HMCN1: variants seen among roughly 807,000 people sequenced by gnomAD.
HMCN1 encodes hemicentin 1.
A neutral mutation model predicts 625.9 loss-of-function variants in HMCN1; 321 were observed. The observed-to-expected ratio is 0.51, with a 90% confidence interval of 0.47 to 0.56. The LOEUF (loss-of-function observed/expected upper bound fraction) is 0.56. HMCN1 is among the 20% of genes least tolerant of loss of function. The pLI is 0.00. For synonymous variants in HMCN1, 2,425 were observed against 2,417.6 expected, an observed-to-expected ratio of 1.00 and a Z score of -0.09; for missense variants, 6,588 against 6,887.3, an observed-to-expected ratio of 0.96 and a Z score of 1.54.
chr1:185,880,465 A>G (rs1664234403), intron 4 of HMCN1, among the ~76,000 whole-genome samples: 1 of 152,162 alleles, frequency 6.6e-6, no homozygotes, highest in Non-Finnish European at 1.5e-5. Flanking sequence ...GATACTTTGA[A>G]TGGGCTCTTC....
intron 1 of HMCN1, among the ~76,000 whole-genome samples, chr1:185,762,796 A>G (rs569224992): frequency 1.1e-4 from 17 of 152,302 alleles, no homozygotes; most frequent in African/African-American, 3.8e-4. Flanking sequence ...GAAGAGATTT[A>G]GATGTTGGTT....
At chr1:186,001,508 C>A in intron 27 of HMCN1, 80 bp downstream of exon 27, 2 of 1,592,762 alleles carry the variant, frequency 1.3e-6, no homozygotes, top group South Asian at 1.1e-5. Context: ...TTTCTTACTA[C>A]TAATAATATA....
intron 11 of HMCN1, among the ~76,000 whole-genome samples, chr1:185,937,619 C>G (rs948943050): frequency 2.6e-5 from 4 of 152,052 alleles, no homozygotes; most frequent in African/African-American, 4.8e-5. Flanking sequence ...CAGTGGCTCA[C>G]GCCTGTAATC....
At chr1:185,802,327 G>A (rs1340878247) in intron 1 of HMCN1, among the ~76,000 whole-genome samples, 2 of 152,132 alleles carry the variant, frequency 1.3e-5, no homozygotes, top group African/African-American at 4.8e-5. Flanking sequence ...AGATGATTTA[G>A]GGACATTTCG....
intron 48 of HMCN1, among the ~76,000 whole-genome samples, chr1:186,063,461 G>GGAAA (rs1657895973): frequency 2.8e-5 from 1 of 35,498 alleles, no homozygotes; most frequent in Non-Finnish European, 4.7e-5. Context: ...AAGGAAGGAA[G>GGAAA]GAAGGAAGGA....
chr1:186,118,728 C>T (rs931426653), intron 77 of HMCN1, among the ~76,000 whole-genome samples: 3 of 152,100 alleles, frequency 2.0e-5, no homozygotes, highest in Non-Finnish European at 4.4e-5. Context: ...AAACATTATG[C>T]TCATAGTGAA....
chr1:185,803,171 A>G (rs1440138444), intron 1 of HMCN1, among the ~76,000 whole-genome samples: 13 of 148,450 alleles, frequency 8.8e-5, no homozygotes, highest in African/African-American at 2.7e-4. Flanking sequence ...AAATGCCTCT[A>G]CTAAAATTAG....
intron 8 of HMCN1, among the ~76,000 whole-genome samples, chr1:185,924,035 AAAC>A (rs1187544136): frequency 6.6e-6 from 1 of 152,170 alleles, no homozygotes; most frequent in African/African-American, 2.4e-5. Flanking sequence ...AGTTCATAGT[AAAC>A]AACAGGTGAT....
At chr1:185,854,613 T>A (rs1221023902) in intron 2 of HMCN1, among the ~76,000 whole-genome samples, 1 of 152,222 alleles carries the variant, frequency 6.6e-6, no homozygotes, top group Non-Finnish European at 1.5e-5. Context: ...CATAAATGTT[T>A]AAACTAGGTC....
In HMCN1 at chr1:185,793,322, A is replaced by G. The variant is rs1658131530; in HGVS notation, c.269-52704A>G. On this transcript the variant is annotated intron_variant, in intron 1 of 106. Coordinates refer to ENST00000271588, the MANE Select transcript of HMCN1 (RefSeq NM_031935.3). ...CATGTCCTTGCCTTTCCCAGCTTTT[A>G]GATGTAACTTGCATTCCTTGGTTCT... Among the ~76,000 whole-genome samples the G allele has an allele frequency of 2.6e-5, 4 of 152,270 alleles. No homozygotes were observed. The Middle Eastern group carries it at 0.014, about 518-fold the overall frequency.
Position 185,988,037 on chromosome 1 carries a change from A to G in HMCN1, c.3048+493A>G, listed in dbSNP as rs186010373. ...TAGAAAAGTTCCCGGCACACAGGTTATGCTACGGACGTGTTCACTGTAATG... is the reference window on the plus strand; with the variant it reads ...TAGAAAAGTTCCCGGCACACAGGTTGTGCTACGGACGTGTTCACTGTAATG... On this transcript the variant is annotated intron_variant, in intron 20 of 106. Transcript: ENST00000271588. Among the ~76,000 whole-genome samples the G allele has an allele frequency of 6.5e-4, 99 of 152,298 alleles. 1 individual carries two copies. Among genetic ancestry groups the G allele is most frequent in the African/African-American group, 2.3e-3 (94 of 41,564 alleles).
chr1:186,108,146 C>T (rs529763207), intron 70 of HMCN1, among the ~76,000 whole-genome samples: 1 of 151,500 alleles, frequency 6.6e-6, no homozygotes, highest in South Asian at 2.1e-4. Flanking sequence ...AAAATTACTA[C>T]CAAGTGTATA....
Position 186,095,406 on chromosome 1 carries a change from C to A in HMCN1, c.10458C>A (p.Thr3486=). ...TTGATGCCCATCTGACAGTCAGCAC[C>A]CATGGAATGGTCCTGCAGCTCCTCA... ...LGLDAHLTVS[T]HGMVLQLLKA... Residue 3486 remains threonine (T), a synonymous_variant, in exon 68 of 107, where the codon ACC becomes ACA. Coordinates refer to ENST00000271588, the MANE Select transcript of HMCN1 (RefSeq NM_031935.3). The A allele has an allele frequency of 6.2e-7, 1 of 1,613,700 alleles. No individual in the cohort carries two copies. Among genetic ancestry groups the A allele is most frequent in the Admixed American group, 1.7e-5 (1 of 59,886 alleles).
intron 105 of HMCN1, 26 bp from the exon 106 acceptor site, chr1:186,187,857 C>T (rs954319967): frequency 9.9e-6 from 16 of 1,613,284 alleles, no homozygotes; most frequent in African/African-American, 6.7e-5. Context: ...ACTGCTGATG[C>T]TGCATGTTCC....
At chr1:185,995,185 C>T in intron 24 of HMCN1, 98 bp downstream of exon 24, 1 of 1,124,792 alleles carries the variant, frequency 8.9e-7, no homozygotes, top group Middle Eastern at 2.5e-4. Context: ...TAAATGACTT[C>T]AGAAAGAGTT....
chr1:185,979,781 A>G (rs779806727), intron 16 of HMCN1, among the ~76,000 whole-genome samples: 6 of 152,224 alleles, frequency 3.9e-5, no homozygotes, highest in Non-Finnish European at 8.8e-5. Flanking sequence ...CTGAGATAGT[A>G]TGGGACTATG....
At chr1:185,869,938 C>A (rs1334443621) in intron 4 of HMCN1, among the ~76,000 whole-genome samples, 1 of 151,588 alleles carries the variant, frequency 6.6e-6, no homozygotes, top group African/African-American at 2.4e-5. Flanking sequence ...ACTCTCTTAA[C>A]CTATTTAATC....
intron 20 of HMCN1, among the ~76,000 whole-genome samples, chr1:185,989,135 G>A (rs1189014225): frequency 6.6e-6 from 1 of 151,040 alleles, no homozygotes; most frequent in Non-Finnish European, 1.5e-5. Flanking sequence ...AGCCTCCCGA[G>A]TAGCTGGGAC....
chr1:185,983,760 C>T (rs1651819504), intron 18 of HMCN1, among the ~76,000 whole-genome samples: 1 of 152,152 alleles, frequency 6.6e-6, no homozygotes, highest in South Asian at 2.1e-4. Context: ...GAGTAAGTGC[C>T]TATGTGCCAA....
Sources: allele counts gnomAD v4.1 joint callset (sites outside exome capture counted in the v4.1 genomes callset), GRCh38; gene constraint gnomAD v4.1.1; transcripts MANE v1.5; gene names NCBI Gene and HGNC (gene_info 2026-07-23, HGNC 2026-07-21).